Variants in OTOL1 observed in about 807,000 individuals in gnomAD.
The protein encoded by OTOL1 is otolin 1, also known as otolin-1.
OTOL1 carries 31 observed loss-of-function variants against 25.0 expected under a neutral mutation model. That is an observed-to-expected ratio of 1.24 (90% CI 0.93 to 1.67). OTOL1 has a LOEUF of 1.67. Ranked by LOEUF, OTOL1 falls within the 40% of genes most tolerant of loss-of-function variation. The probability of loss-of-function intolerance (pLI) is 0.00; values close to 1 mark genes in which losing one functional copy is unlikely to be tolerated. For missense variants in OTOL1, 654 were observed against 587.7 expected (o/e 1.11, Z -1.17); for synonymous variants, 225 against 210.3 (o/e 1.07, Z -0.61).
intron 2 of OTOL1, 135 bp from the exon 3 acceptor site, chr3:161,502,172 T>G: frequency 1.2e-6 from 1 of 804,494 alleles, no homozygotes; most frequent in Non-Finnish European, 2.0e-6. Flanking sequence ...CTGGCGTACA[T>G]TCTTTTTCCA....
intron 2 of OTOL1, among the ~76,000 whole-genome samples, chr3:161,502,078 G>A (rs1718986862): frequency 6.6e-6 from 1 of 152,234 alleles, no homozygotes; most frequent in African/African-American, 2.4e-5. Context: ...ATGTTGGCCA[G>A]GCTGGCCTGG....
intron 2 of OTOL1, among the ~76,000 whole-genome samples, chr3:161,502,042 A>AT (rs1047085492): frequency 3.9e-5 from 6 of 151,968 alleles, no homozygotes; most frequent in African/African-American, 1.2e-4. Flanking sequence ...AATTTTTTGT[A>AT]TTTTTTGTAG....
intron 1 of OTOL1, among the ~76,000 whole-genome samples, chr3:161,498,159 C>A (rs1306719800): frequency 6.6e-6 from 1 of 152,068 alleles, no homozygotes; most frequent in African/African-American, 2.4e-5. Flanking sequence ...ATTATATTTA[C>A]CAGAAGTCTT....
rs775307467 is a variant in OTOL1, at chr3:161,503,457, G to A, written c.949G>A (p.Gly317Arg). The change falls in exon 4 of 4, where the codon GGG becomes AGG. Residue 317 changes from glycine to arginine, a missense_variant. Transcript: ENST00000327928. ...GCCGAAGGGTGACATTGGCAACAAA[G>A]GGGTCCGAGGCCCCACTGGGAAGAA... ...TGPKGDIGNK[G>R]VRGPTGKKGS... The A allele has an allele frequency of 6.2e-7, 1 of 1,613,794 alleles. No individual in the cohort carries two copies. Among genetic ancestry groups the A allele is most frequent in the South Asian group, 1.1e-5 (1 of 91,056 alleles).
intron 3 of OTOL1, among the ~76,000 whole-genome samples, chr3:161,502,667 T>C (rs1008664066): frequency 6.6e-6 from 1 of 152,070 alleles, no homozygotes. Flanking sequence ...ATGGACAATA[T>C]GGGGATTTAG....
intron 3 of OTOL1, 40 bp from the exon 4 acceptor site, chr3:161,502,979 TTATGGCC>T: frequency 7.8e-7 from 1 of 1,274,594 alleles, no homozygotes; most frequent in Admixed American, 3.6e-5. Context: ...AGCATGCTGT[TTATGGCC>T]TATGTGATCC....
intron 2 of OTOL1, among the ~76,000 whole-genome samples, chr3:161,501,656 C>T (rs1390604609): frequency 1.3e-5 from 2 of 151,160 alleles, no homozygotes; most frequent in East Asian, 1.9e-4. Context: ...GGTGTTGTGG[C>T]CATATAAAGA....
chr3:161,498,591 C>A (rs1276347543), intron 1 of OTOL1, among the ~76,000 whole-genome samples: 1 of 152,106 alleles, frequency 6.6e-6, no homozygotes, highest in African/African-American at 2.4e-5. Flanking sequence ...CTCAATAAGA[C>A]CTTCGTATTT....
At chr3:161,502,429 C>T (rs1718997129) in intron 3 of OTOL1, 60 bp downstream of exon 3, 1 of 1,328,170 alleles carries the variant, frequency 7.5e-7, no homozygotes, top group Non-Finnish European at 1.1e-6. Flanking sequence ...CCTTCATTCT[C>T]TTCCTGCTTG....
intron 1 of OTOL1, 93 bp downstream of exon 1, chr3:161,497,264 C>T (rs150364340): frequency 1.6e-5 from 23 of 1,424,696 alleles, no homozygotes; most frequent in Middle Eastern, 1.9e-4. Flanking sequence ...GGAGTTTCTA[C>T]GTTGTTATGC....
rs1229816552 is a variant in OTOL1, at chr3:161,503,383, A to G, written c.875A>G (p.Lys292Arg). The change falls in exon 4 of 4, where the codon AAA becomes AGA. Residue 292 changes from lysine to arginine, a missense_variant. Lys to Arg is a conservative substitution (Grantham distance 26, BLOSUM62 2). Transcript: ENST00000327928. ...GGGGCCAAAGGTGATCCAGGGATTA[A>G]AGGAGAAAAAGGAGAGTTAGGTCCT... is the stretch of plus-strand genomic sequence containing the variant. ...LPGAKGDPGI[K>R]GEKGELGPPG... 1.9e-6 allele frequency: 3 copies of G among 1,608,366 alleles called. No homozygotes were observed. In the Admixed American group the frequency reaches 5.1e-5, roughly 27 times the overall value.
rs758208110 is a variant in OTOL1, at chr3:161,497,025, C to T, written c.218C>T (p.Ser73Leu). ...AEMAEPITKPSALDSVFGTAT... is the reference protein window; with the variant it reads ...AEMAEPITKPLALDSVFGTAT... ...ATGGCAGAACCAATTACCAAACCCT[C>T]GGCCTTGGATTCTGTCTTTGGCACT... The change falls in exon 1 of 4, where the codon TCG (serine) becomes TTG (leucine). Residue 73 changes from serine (S) to leucine (L), a missense_variant. Coordinates refer to ENST00000327928, the MANE Select transcript of OTOL1 (RefSeq NM_001080440.1). 8.1e-6 allele frequency: 13 copies of T among 1,613,558 alleles called. No individual in the cohort carries two copies. Among genetic ancestry groups the T allele is most frequent in the South Asian group, 3.3e-5 (3 of 91,084 alleles).
intron 2 of OTOL1, among the ~76,000 whole-genome samples, chr3:161,500,992 A>G (rs749070782): frequency 4.4e-4 from 67 of 152,188 alleles, no homozygotes; most frequent in Non-Finnish European, 1.5e-4. Flanking sequence ...TAGTTATATC[A>G]TAAACAATAT....
chr3:161,503,031 C>A lies in OTOL1; in HGVS notation c.523C>A (p.Pro175Thr), dbSNP rs149127996. Residue 175 changes from proline (P) to threonine (T), a missense_variant, in exon 4 of 4, where the codon CCT becomes ACT. Physicochemically the swap from Pro to Thr is conservative, Grantham distance 38. Coordinates refer to ENST00000327928, the MANE Select transcript of OTOL1 (RefSeq NM_001080440.1). ...ATTTTAATTTTCCATTTCAGGTGAA[C>A]CTGGCCCTAAGGGAGATAAAGGAAA... ...YPGKPGAQGEPGPKGDKGNIG... is the reference protein window; with the variant it reads ...YPGKPGAQGETGPKGDKGNIG... The A allele has an allele frequency of 7.3e-3, 9,719 of 1,326,790 alleles. 42 individuals are homozygous for A. The highest frequency in any genetic ancestry group is 8.6e-3 in the Non-Finnish European group (8,874 of 1,032,456). 82.2% of individuals were successfully genotyped at this position (1,326,790 alleles called of 1,614,324 possible). A position where few individuals can be genotyped will look rare whatever the true frequency, so the allele number is the denominator to read the frequency against.
In OTOL1 at chr3:161,496,954, C is replaced by T; in HGVS notation, c.147C>T (p.Gly49=). 1.2e-6 allele frequency: 2 copies of T among 1,613,494 alleles called. No individual in the cohort carries two copies. The highest frequency in any genetic ancestry group is 1.7e-6 in the Non-Finnish European group (2 of 1,179,628). Residue 49 remains glycine, a synonymous_variant, in exon 1 of 4, where the codon GGC becomes GGT. Coordinates refer to ENST00000327928, the MANE Select transcript of OTOL1 (RefSeq NM_001080440.1). ...CAAAGGGTCTAAAGCCATCCAGTGG[C>T]CCACCTCCAGAAGAAGAAGAAACCC... The part of the protein sequence containing the change: ...EMPKGLKPSS[G]PPPEEEETLF...
At position 161,503,503 on chromosome 3, in the gene OTOL1, G is replaced by T. The variant is rs779028152; in HGVS notation, c.995G>T (p.Gly332Val). 21 of 1,613,658 alleles carry T rather than the reference G, an allele frequency of 1.3e-5. No homozygotes were observed. The highest frequency in any genetic ancestry group is 5.3e-5 in the African/African-American group (4 of 74,892). Residue 332 changes from glycine (G) to valine (V), a missense_variant, in exon 4 of 4, where the codon GGC becomes GTC. Gly to Val is a moderately radical substitution (Grantham distance 109). Transcript: ENST00000327928. ...AAGAAGGGCTCTCGGGGCTTTAAAG[G>T]CTCCAAGGGTGAGTTGGCTAGAGTG... ...TGKKGSRGFKGSKGELARVPR... is the reference protein window; with the variant it reads ...TGKKGSRGFKVSKGELARVPR...
chr3:161,502,233 A>G lies in OTOL1; in HGVS notation c.455-74A>G, dbSNP rs574999455. ...GTTAAAGAAAACACTAGAATGTGAC[A>G]TGGTTGTGAGAGGAATATTAAATAT... On this transcript the variant is annotated intron_variant, in intron 2 of 3. Coordinates refer to ENST00000327928, the MANE Select transcript of OTOL1 (RefSeq NM_001080440.1). 4.5e-6 allele frequency: 6 copies of G among 1,329,808 alleles called. No homozygotes were observed. The African/African-American group carries it at 5.8e-5, about 13-fold the overall frequency. The allele number at this position is 1,329,808 out of a possible 1,614,324, so 82.4% of individuals were successfully genotyped here.
chr3:161,499,096 T>A (rs1718907940), intron 1 of OTOL1, 75 bp from the exon 2 acceptor site: 8 of 1,199,558 alleles, frequency 6.7e-6, no homozygotes, highest in Non-Finnish European at 1.2e-6. Flanking sequence ...AGTAAAATGC[T>A]TTTTTTCTTT....
Position 161,503,221 on chromosome 3 carries a change from T to TG in OTOL1, c.718dup (p.Asp240GlyfsTer2). On this transcript the variant is annotated frameshift_variant, in exon 4 of 4. Coordinates refer to ENST00000327928, the MANE Select transcript of OTOL1 (RefSeq NM_001080440.1). LOFTEE classifies it low-confidence loss of function (END_TRUNC). ...GGGGAGATGGGGGAGAAGGGGGAGA[T>TG]GGGGGATAAGGGCTGCTGTGGAGAT... 1 of 418,234 alleles carries TG rather than the reference T, an allele frequency of 2.4e-6. No homozygotes were observed. Among genetic ancestry groups the TG allele is most frequent in the Non-Finnish European group, 3.4e-6 (1 of 295,906 alleles). The allele number at this position is 418,234 out of a possible 1,614,324, so 25.9% of individuals were successfully genotyped here. A position where few individuals can be genotyped will look rare whatever the true frequency, so the allele number is the denominator to read the frequency against.
Sources: gnomAD v4.1 joint callset for allele counts (sites outside exome capture counted in the v4.1 genomes callset) on GRCh38, gnomAD v4.1.1 for gene constraint, MANE v1.5 for transcripts, NCBI Gene and HGNC (gene_info 2026-07-23, HGNC 2026-07-21) for gene names.